NEXMIF: variants seen among roughly 807,000 people sequenced by gnomAD.
NEXMIF encodes neurite extension and migration factor, also known as XLMR protein related to neurite extension.
In NEXMIF, 8 loss-of-function variants were observed where a neutral mutation model predicts 62.1. That is an observed-to-expected ratio of 0.13 (90% CI 0.08 to 0.23). NEXMIF has a LOEUF of 0.23. Ranked by LOEUF, NEXMIF falls within the 10% of genes least tolerant of loss-of-function variation. The pLI is 1.00. For missense variants in NEXMIF, 976 were observed against 1,113.3 expected, an observed-to-expected ratio of 0.88 and a Z score of 1.75; for synonymous variants, 404 against 416.6, an observed-to-expected ratio of 0.97 and a Z score of 0.37.
chrX:74,753,979 TGAGATG>T (rs2080151752), intron 1 of NEXMIF, among the ~76,000 whole-genome samples: 1 of 112,422 alleles, frequency 8.9e-6, no homozygotes, highest in African/African-American at 3.2e-5. Context: ...TTTTATTTTT[TGAGATG>T]GAGTCTCGCT....
intron 1 of NEXMIF, among the ~76,000 whole-genome samples, chrX:74,886,811 T>C (rs1456933222): frequency 1.9e-5 from 2 of 105,598 alleles, no homozygotes; most frequent in East Asian, 6.0e-4. Flanking sequence ...TTAAAGTTCA[T>C]ATGGAACCAA....
intron 1 of NEXMIF, among the ~76,000 whole-genome samples, chrX:74,908,846 C>T (rs1041484805): frequency 7.2e-5 from 8 of 111,709 alleles, no homozygotes; most frequent in African/African-American, 2.6e-4. Flanking sequence ...GGGGCAGTTT[C>T]CCCCATACCG....
intron 1 of NEXMIF, among the ~76,000 whole-genome samples, chrX:74,890,594 C>T (rs1286522390): frequency 8.9e-6 from 1 of 111,933 alleles, no homozygotes. Flanking sequence ...CCTAAGTAGA[C>T]ATTTTAATAT....
intron 1 of NEXMIF, among the ~76,000 whole-genome samples, chrX:74,796,132 T>TAATATATATATTATATATATATTTATATA (rs1556023931): frequency 5.2e-5 from 4 of 77,142 alleles, no homozygotes; most frequent in African/African-American, 2.0e-4. Context: ...TATTTATATA[T>TAATATATATATTATATATATATTTATATA]AATATATATA....
chrX:74,740,048 G>A, intron 3 of NEXMIF, 52 bp downstream of exon 3: 12 of 1,101,133 alleles, frequency 1.1e-5, no homozygotes, highest in Non-Finnish European at 1.5e-5. Flanking sequence ...GGCTTAGTAG[G>A]TAGTAGGAGA....
intron 1 of NEXMIF, among the ~76,000 whole-genome samples, chrX:74,805,992 A>AT: frequency 9.3e-6 from 1 of 108,070 alleles, no homozygotes; most frequent in East Asian, 2.9e-4. Context: ...TTTTTTGCCC[A>AT]TTTTTCATTG....
intron 1 of NEXMIF, among the ~76,000 whole-genome samples, chrX:74,871,744 C>G (rs1014197591): frequency 1.7e-4 from 19 of 111,568 alleles, no homozygotes; most frequent in African/African-American, 6.2e-4. Flanking sequence ...CTATTCTGCT[C>G]GACCCCACAG....
rs756678289 is a variant in NEXMIF, at chrX:74,888,326, A to C, written c.-48+36557T>G. On this transcript the variant is annotated intron_variant, in intron 1 of 3. Coordinates refer to ENST00000055682, the MANE Select transcript of NEXMIF (RefSeq NM_001008537.3). ...ACAAACAAACAAAAAAAAAAAGAAAATGTGGCACATATACACCATGGAATG... is the reference window on the plus strand; with the variant it reads ...ACAAACAAACAAAAAAAAAAAGAAACTGTGGCACATATACACCATGGAATG... 7.3e-5 allele frequency among the ~76,000 whole-genome samples: 8 copies of C among 109,832 alleles called. No individual in the cohort carries two copies. The East Asian group carries it at 2.3e-3, about 32-fold the overall frequency.
At chrX:74,798,159 T>C (rs2080318125) in intron 1 of NEXMIF, among the ~76,000 whole-genome samples, 1 of 112,006 alleles carries the variant, frequency 8.9e-6, no homozygotes, top group African/African-American at 3.2e-5. Context: ...GAATAGCTAA[T>C]GGATGCTGGC....
At chrX:74,853,003 G>A (rs774970732) in intron 1 of NEXMIF, among the ~76,000 whole-genome samples, 1 of 110,264 alleles carries the variant, frequency 9.1e-6, no homozygotes, top group South Asian at 3.8e-4. Context: ...TCAACAAAAT[G>A]AAAAGTTTTT....
intron 1 of NEXMIF, among the ~76,000 whole-genome samples, chrX:74,775,506 G>C (rs1169082549): frequency 1.8e-5 from 2 of 112,138 alleles, no homozygotes; most frequent in Non-Finnish European, 3.8e-5. Context: ...TTTAGAGCCT[G>C]CTATTTTGTT....
chrX:74,788,468 T>C (rs929101295), intron 1 of NEXMIF, among the ~76,000 whole-genome samples: 1 of 111,253 alleles, frequency 9.0e-6, no homozygotes, highest in Non-Finnish European at 1.9e-5. Flanking sequence ...AATGGGCAGG[T>C]ATTATCCTTA....
At chrX:74,907,538 A>T (rs1013444531) in intron 1 of NEXMIF, among the ~76,000 whole-genome samples, 9 of 110,423 alleles carry the variant, frequency 8.2e-5, no homozygotes, top group African/African-American at 2.0e-4. Context: ...GTGGGAAACG[A>T]CCTTAGAGAT....
chrX:74,878,304 G>A (rs1186709364), intron 1 of NEXMIF, among the ~76,000 whole-genome samples: 1 of 111,872 alleles, frequency 8.9e-6, no homozygotes, highest in African/African-American at 3.2e-5. Flanking sequence ...GCTGCTCAGG[G>A]GTCAGGGGTC....
At chrX:74,892,643 CT>C (rs1468891978) in intron 1 of NEXMIF, among the ~76,000 whole-genome samples, 2 of 112,293 alleles carry the variant, frequency 1.8e-5, no homozygotes, top group Non-Finnish European at 3.8e-5. Context: ...CAATGATCAA[CT>C]TTGCATTCAT....
chrX:74,881,929 G>A (rs1311550505), intron 1 of NEXMIF, among the ~76,000 whole-genome samples: 1 of 111,492 alleles, frequency 9.0e-6, no homozygotes, highest in Non-Finnish European at 1.9e-5. Context: ...TTCCGTGATG[G>A]TCTAATCTAG....
Position 74,742,143 on chromosome X carries a change from G to C in NEXMIF, c.2414C>G (p.Thr805Ser). The C allele has an allele frequency of 8.3e-7, 1 of 1,211,384 alleles. No homozygotes were observed. Among genetic ancestry groups the C allele is most frequent in the African/African-American group, 1.7e-5 (1 of 57,863 alleles). The change falls in exon 3 of 4, where the codon ACT (threonine) becomes AGT (serine). Residue 805 changes from threonine (T) to serine (S), a missense_variant. Transcript: ENST00000055682. ...EMPLSSANVTTNIPVIPGGYL... is the reference protein window; with the variant it reads ...EMPLSSANVTSNIPVIPGGYL... ...CCCTCCCGGGATAACAGGTATATTA[G>C]TGGTAACATTAGCAGATGATAAAGG...
intron 1 of NEXMIF, among the ~76,000 whole-genome samples, chrX:74,829,632 G>A (rs1284606399): frequency 9.0e-6 from 1 of 111,705 alleles, no homozygotes; most frequent in African/African-American, 3.3e-5. Context: ...CCTCCAAACT[G>A]TTCTCCACAG....
At chrX:74,791,386 T>A (rs2080282108) in intron 1 of NEXMIF, among the ~76,000 whole-genome samples, 1 of 111,535 alleles carries the variant, frequency 9.0e-6, no homozygotes, top group African/African-American at 3.3e-5. Context: ...TGCCAGTATT[T>A]TATTGAGGAT....
Sources: gnomAD v4.1 joint callset for allele counts (sites outside exome capture counted in the v4.1 genomes callset) on GRCh38, gnomAD v4.1.1 for gene constraint, MANE v1.5 for transcripts, NCBI Gene and HGNC (gene_info 2026-07-23, HGNC 2026-07-21) for gene names.